PTPRD: variants seen among roughly 807,000 people sequenced by gnomAD.
The protein encoded by PTPRD is protein tyrosine phosphatase receptor type D.
PTPRD carries 34 observed loss-of-function variants against 214.5 expected under a neutral mutation model. That is an observed-to-expected ratio of 0.16 (90% confidence interval 0.12 to 0.21). The LOEUF (loss-of-function observed/expected upper bound fraction) is 0.21, where lower values mean the gene tolerates loss of function less well. Ranked by LOEUF, PTPRD falls within the 10% of genes least tolerant of loss-of-function variation. The pLI, the probability that PTPRD is intolerant of heterozygous loss-of-function variation, is 1.00. For synonymous variants in PTPRD, 1,128 were observed against 845.7 expected (o/e 1.33, Z -5.79); for missense variants, 2,545 against 2,398.7 (o/e 1.06, Z -1.27).
At chr9:9,657,811 A>G (rs749448473) in intron 7 of PTPRD, among the ~76,000 whole-genome samples, 42 of 152,298 alleles carry the variant, frequency 2.8e-4, no homozygotes, top group Admixed American at 4.6e-4. Flanking sequence ...ATGGTGGTCT[A>G]TGCCATATGC....
intron 11 of PTPRD, among the ~76,000 whole-genome samples, chr9:8,851,845 T>G (rs2570302): frequency 6.6e-6 from 1 of 151,748 alleles, no homozygotes; most frequent in African/African-American, 2.4e-5. Flanking sequence ...GGCATAAATT[T>G]AGTTCTTCCT....
At chr9:9,332,440 A>G (rs767336055) in intron 9 of PTPRD, among the ~76,000 whole-genome samples, 2 of 152,048 alleles carry the variant, frequency 1.3e-5, no homozygotes, top group Non-Finnish European at 2.9e-5. Context: ...ACCACACAAT[A>G]TATTTAAATT....
chr9:8,432,016 G>A (rs1015030160), intron 35 of PTPRD, among the ~76,000 whole-genome samples: 3 of 152,150 alleles, frequency 2.0e-5, no homozygotes, highest in African/African-American at 7.2e-5. Flanking sequence ...ACGTGTTATT[G>A]GTCTATTCAG....
chr9:8,763,623 T>G (rs975851216), intron 11 of PTPRD, among the ~76,000 whole-genome samples: 10 of 151,490 alleles, frequency 6.6e-5, no homozygotes, highest in Non-Finnish European at 1.2e-4. Context: ...ATTTTTGTTT[T>G]GAAAAACAGG....
At chr9:9,642,339 G>A (rs540109082) in intron 7 of PTPRD, among the ~76,000 whole-genome samples, 68 of 144,384 alleles carry the variant, frequency 4.7e-4, no homozygotes, top group Admixed American at 4.4e-3. Context: ...TGGGTGCAGC[G>A]CACCAGCATG....
chr9:10,000,227 C>A (rs1588566752), intron 4 of PTPRD, among the ~76,000 whole-genome samples: 2 of 152,216 alleles, frequency 1.3e-5, no homozygotes, highest in South Asian at 4.2e-4. Context: ...TGGAGGCAAA[C>A]TGGTGTTGCA....
chr9:9,202,262 T>C (rs1455342327), intron 9 of PTPRD, among the ~76,000 whole-genome samples: 1 of 152,206 alleles, frequency 6.6e-6, no homozygotes, highest in African/African-American at 2.4e-5. Context: ...GTCAGATCTA[T>C]TGCAGTCTTA....
At chr9:10,490,860 T>G (rs2039972736) in intron 2 of PTPRD, among the ~76,000 whole-genome samples, 1 of 152,198 alleles carries the variant, frequency 6.6e-6, no homozygotes, top group Non-Finnish European at 1.5e-5. Flanking sequence ...TTTGCGCCTT[T>G]TAAAAAGTTA....
intron 11 of PTPRD, among the ~76,000 whole-genome samples, chr9:8,992,409 G>A (rs1211924404): frequency 1.3e-5 from 2 of 152,074 alleles, no homozygotes; most frequent in Non-Finnish European, 2.9e-5. Context: ...CAAGGAATGG[G>A]GGTTAGCTAA....
At chr9:10,097,222 C>G (rs914044941) in intron 3 of PTPRD, among the ~76,000 whole-genome samples, 2 of 149,500 alleles carry the variant, frequency 1.3e-5, no homozygotes, top group Non-Finnish European at 3.0e-5. Flanking sequence ...GTAATGCGGG[C>G]TCTTTTTTGG....
chr9:9,822,863 G>A (rs1308533697), intron 5 of PTPRD, among the ~76,000 whole-genome samples: 1 of 152,114 alleles, frequency 6.6e-6, no homozygotes, highest in African/African-American at 2.4e-5. Flanking sequence ...ATACACTGTT[G>A]GTGGGAATGT....
chr9:8,373,909 TCTATCTAC>T (rs1422889595), intron 39 of PTPRD, among the ~76,000 whole-genome samples: 3 of 78,122 alleles, frequency 3.8e-5, no homozygotes, highest in Non-Finnish European at 8.0e-5. Context: ...TATCTATCTA[TCTATCTAC>T]CTACCTACCT....
chr9:10,565,586 A>C (rs1264879952), intron 2 of PTPRD, among the ~76,000 whole-genome samples: 2 of 152,064 alleles, frequency 1.3e-5, no homozygotes, highest in Non-Finnish European at 2.9e-5. Flanking sequence ...GAACTGTATA[A>C]ATTTTTAAAC....
intron 11 of PTPRD, among the ~76,000 whole-genome samples, chr9:8,856,813 T>G (rs2097923804): frequency 6.6e-6 from 1 of 152,204 alleles, no homozygotes; most frequent in African/African-American, 2.4e-5. Flanking sequence ...TGTTCAAGAT[T>G]TTTTTAAGCA....
chr9:9,301,890 T>C (rs1955460225), intron 9 of PTPRD, among the ~76,000 whole-genome samples: 1 of 151,910 alleles, frequency 6.6e-6, no homozygotes, highest in Admixed American at 6.6e-5. Flanking sequence ...CCAGACAACA[T>C]CTAGAAGGAA....
intron 35 of PTPRD, among the ~76,000 whole-genome samples, chr9:8,431,885 A>G (rs2095079478): frequency 1.3e-5 from 2 of 152,156 alleles, no homozygotes; most frequent in African/African-American, 4.8e-5. Context: ...ATTGTTTGTA[A>G]TAGTTTCAGA....
chr9:8,616,798 T>C (rs1234604122), intron 14 of PTPRD, among the ~76,000 whole-genome samples: 1 of 152,150 alleles, frequency 6.6e-6, no homozygotes, highest in Non-Finnish European at 1.5e-5. Flanking sequence ...TTAGATGTTT[T>C]GGATGTGATT....
At chr9:8,998,559 T>C (rs924117667) in intron 11 of PTPRD, among the ~76,000 whole-genome samples, 1 of 152,024 alleles carries the variant, frequency 6.6e-6, no homozygotes, top group African/African-American at 2.4e-5. Context: ...AGAGCTCTGA[T>C]GGAAATATGT....
intron 3 of PTPRD, among the ~76,000 whole-genome samples, chr9:10,203,624 C>G (rs2099445494): frequency 6.6e-6 from 1 of 152,128 alleles, no homozygotes; most frequent in East Asian, 1.9e-4. Context: ...ATCCAGGATT[C>G]CATCATTTAT....
Sources: allele counts gnomAD v4.1 joint callset (sites outside exome capture counted in the v4.1 genomes callset), GRCh38; gene constraint gnomAD v4.1.1; transcripts MANE v1.5; gene names NCBI Gene and HGNC (gene_info 2026-07-23, HGNC 2026-07-21).